Variants in DCC observed in about 807,000 individuals in gnomAD.
DCC encodes netrin receptor DCC.
In DCC, 58 loss-of-function variants were observed where a neutral mutation model predicts 172.5. That is an observed-to-expected ratio of 0.34 (90% CI 0.27 to 0.42). DCC has a LOEUF of 0.42. Ranked by LOEUF, DCC falls within the 10% of genes least tolerant of loss-of-function variation. DCC has a pLI of 1.00. For missense variants in DCC, 1,740 were observed against 1,791.0 expected (o/e 0.97, Z 0.51); for synonymous variants, 709 against 644.5 (o/e 1.10, Z -1.52).
rs557409253 is a variant in DCC at position 53,265,973 on chromosome 18, C to T, written c.1912-39605C>T. The stretch of plus-strand genomic sequence containing the variant: ...CAATCCTTGTTTCCTGGCATTCTCT[C>T]TTGAGCTCTACTTTAAGCCACCCTG... On this transcript the variant is annotated intron_variant, in intron 12 of 28. Coordinates refer to ENST00000442544, the MANE Select transcript of DCC (RefSeq NM_005215.4). Among the ~76,000 whole-genome samples the T allele has an allele frequency of 2.6e-5, 4 of 152,280 alleles. No individual in the cohort carries two copies. The South Asian group carries it at 8.3e-4, about 32-fold the overall frequency.
chr18:52,404,342 A>G (rs935453203), intron 1 of DCC, among the ~76,000 whole-genome samples: 4 of 152,170 alleles, frequency 2.6e-5, no homozygotes, highest in African/African-American at 9.6e-5. Context: ...GGTTAGTACC[A>G]TGGAGAACAG....
At chr18:52,790,755 C>T (rs2037747501) in intron 2 of DCC, among the ~76,000 whole-genome samples, 2 of 152,158 alleles carry the variant, frequency 1.3e-5, no homozygotes, top group African/African-American at 4.8e-5. Context: ...ACATATTGCT[C>T]ATCTCCAAAA....
intron 1 of DCC, among the ~76,000 whole-genome samples, chr18:52,627,579 C>T (rs1183304539): frequency 6.6e-6 from 1 of 152,212 alleles, no homozygotes; most frequent in Non-Finnish European, 1.5e-5. Flanking sequence ...TTCAGTTGAG[C>T]TTCCCCATGT....
intron 1 of DCC, among the ~76,000 whole-genome samples, chr18:52,728,173 GTCTC>G (rs5824956): frequency 2.3e-4 from 34 of 149,134 alleles, no homozygotes; most frequent in African/African-American, 5.4e-4. Context: ...TGTGGGCCCC[GTCTC>G]TCTCTCTCTC....
intron 15 of DCC, among the ~76,000 whole-genome samples, chr18:53,351,264 GAAGAA>G (rs1358092296): frequency 8.5e-6 from 1 of 117,868 alleles, no homozygotes; most frequent in Non-Finnish European, 1.7e-5. Flanking sequence ...TTGAACAGGA[GAAGAA>G]AAGATCTTCT....
Position 53,275,067 on chromosome 18 carries a change from A to T in DCC, c.1912-30511A>T, listed in dbSNP as rs531846302. ...ATCAATGCAAATAAAGATAATTAATATTTGGTGCCTCTGGTGCATGCTTAG... is the reference window on the plus strand; with the variant it reads ...ATCAATGCAAATAAAGATAATTAATTTTTGGTGCCTCTGGTGCATGCTTAG... On this transcript the variant is annotated intron_variant, in intron 12 of 28. Coordinates refer to ENST00000442544, the MANE Select transcript of DCC (RefSeq NM_005215.4). Among the ~76,000 whole-genome samples the T allele has an allele frequency of 3.2e-4, 49 of 152,238 alleles. 1 individual carries two copies. In the South Asian group the frequency reaches 5.2e-3, roughly 16 times the overall value.
intron 1 of DCC, among the ~76,000 whole-genome samples, chr18:52,485,536 C>G (rs2030177560): frequency 6.6e-6 from 1 of 152,110 alleles, no homozygotes; most frequent in Non-Finnish European, 1.5e-5. Flanking sequence ...TTTTTATGCA[C>G]TGTCTGGCTG....
At chr18:53,529,094 T>C (rs1320237486) in intron 28 of DCC, among the ~76,000 whole-genome samples, 2 of 150,746 alleles carry the variant, frequency 1.3e-5, no homozygotes, top group East Asian at 2.0e-4. Flanking sequence ...ATTGTATGTA[T>C]ATAAACAGGC....
At chr18:52,506,320 T>C (rs531936471) in intron 1 of DCC, among the ~76,000 whole-genome samples, 5 of 152,280 alleles carry the variant, frequency 3.3e-5, no homozygotes, top group Admixed American at 1.3e-4. Context: ...GTGAAGCATA[T>C]GATTTATAAT....
intron 28 of DCC, among the ~76,000 whole-genome samples, chr18:53,529,064 A>T (rs1324027432): frequency 2.0e-5 from 3 of 151,014 alleles, no homozygotes; most frequent in African/African-American, 4.9e-5. Flanking sequence ...ACACACACAC[A>T]CACACACACA....
At chr18:53,199,945 A>C (rs1598898916) in intron 9 of DCC, among the ~76,000 whole-genome samples, 1 of 152,214 alleles carries the variant, frequency 6.6e-6, no homozygotes, top group East Asian at 1.9e-4. Flanking sequence ...TTGAAGTAGA[A>C]AACAATTTAG....
In DCC at chr18:52,386,384, T is replaced by C. The variant is rs148768611; in HGVS notation, c.91+45506T>C. Among the ~76,000 whole-genome samples the C allele has an allele frequency of 7.6e-3, 1,150 of 152,246 alleles. 21 individuals carry two copies. The highest frequency in any genetic ancestry group is 0.026 in the African/African-American group (1,076 of 41,526). The stretch of plus-strand genomic sequence containing the variant: ...ATGATTTTAAATTTAAACCTTGTGA[T>C]GAAATGTCATTAGGGGATTTTGGTA... On this transcript the variant is annotated intron_variant, in intron 1 of 28. Coordinates refer to ENST00000442544, the MANE Select transcript of DCC (RefSeq NM_005215.4).
At chr18:53,169,582 AT>A (rs1321889274) in intron 8 of DCC, among the ~76,000 whole-genome samples, 4 of 152,162 alleles carry the variant, frequency 2.6e-5, no homozygotes, top group African/African-American at 7.2e-5. Flanking sequence ...AGTGGAGAAG[AT>A]TTGTCTGACA....
chr18:52,450,194 A>G (rs991777566), intron 1 of DCC, among the ~76,000 whole-genome samples: 1 of 152,184 alleles, frequency 6.6e-6, no homozygotes, highest in African/African-American at 2.4e-5. Flanking sequence ...CAGCCACTTC[A>G]TTTCATTATT....
chr18:53,011,433 A>G (rs2041729412), intron 5 of DCC, among the ~76,000 whole-genome samples: 1 of 151,704 alleles, frequency 6.6e-6, no homozygotes, highest in African/African-American at 2.4e-5. Context: ...TATTTTTCAA[A>G]GGGATATTTT....
At position 53,322,103 on chromosome 18, in the gene DCC, A is replaced by G. The variant is rs1036855887; in HGVS notation, c.2110A>G (p.Thr704Ala). Reference sequence around the variant, plus strand: ...GGTGTCAGCCATGACAGTCAATGGTACTGGACCACCTTCCAACTGGTATAC... The same window carrying G: ...GGTGTCAGCCATGACAGTCAATGGTGCTGGACCACCTTCCAACTGGTATAC... ...FQVSAMTVNG[T>A]GPPSNWYTAE... The change falls in exon 14 of 29, where the codon ACT (threonine) becomes GCT (alanine). Residue 704 changes from threonine to alanine, a missense_variant. Transcript: ENST00000442544. The G allele has an allele frequency of 1.9e-6, 3 of 1,609,862 alleles. No individual in the cohort carries two copies. Among genetic ancestry groups the G allele is most frequent in the East Asian group, 2.2e-5 (1 of 44,836 alleles).
At chr18:52,713,307 C>A (rs2036326243) in intron 1 of DCC, among the ~76,000 whole-genome samples, 1 of 152,212 alleles carries the variant, frequency 6.6e-6, no homozygotes, top group Non-Finnish European at 1.5e-5. Context: ...GACTGCAGGG[C>A]TAATATCACA....
At chr18:53,002,431 C>A (rs561724123) in intron 5 of DCC, among the ~76,000 whole-genome samples, 1 of 152,098 alleles carries the variant, frequency 6.6e-6, no homozygotes, top group East Asian at 1.9e-4. Flanking sequence ...CAGCTTGCCG[C>A]CTCTTGTGGT....
chr18:52,774,075 G>A (rs1263926039), intron 2 of DCC, among the ~76,000 whole-genome samples: 1 of 152,198 alleles, frequency 6.6e-6, no homozygotes, highest in Non-Finnish European at 1.5e-5. Flanking sequence ...GTGATATTCA[G>A]AATGATTAGG....
Sources: allele counts gnomAD v4.1 joint callset (sites outside exome capture counted in the v4.1 genomes callset), GRCh38; gene constraint gnomAD v4.1.1; transcripts MANE v1.5; gene names NCBI Gene and HGNC (gene_info 2026-07-23, HGNC 2026-07-21).